KATNAL2: variants seen among roughly 807,000 people sequenced by gnomAD.
The protein encoded by KATNAL2 is katanin p60 ATPase-containing subunit A-like 2.
Under a neutral mutation model 76.3 loss-of-function variants are expected in KATNAL2, and 52 were observed. The ratio of observed to expected loss-of-function variants is 0.68; its 90% CI spans 0.55 to 0.86. The LOEUF is 0.86. KATNAL2 is among the 40% of genes least tolerant of loss of function. KATNAL2 has a pLI of 0.00. For missense variants in KATNAL2, 660 were observed against 668.9 expected (o/e 0.99, Z 0.15); for synonymous variants, 243 against 244.2 (o/e 1.00, Z 0.05).
rs114463280 is a variant in KATNAL2, at chr18:46,951,374, A to G, written c.51+4451A>G. Among the ~76,000 whole-genome samples, 908 of 150,574 alleles carry G rather than the reference A, an allele frequency of 6.0e-3. 6 individuals carry two copies. The highest frequency in any genetic ancestry group is 0.02 in the African/African-American group (839 of 41,056). On this transcript the variant is annotated intron_variant, in intron 3 of 17. Coordinates refer to ENST00000683218, the MANE Select transcript of KATNAL2 (RefSeq NM_001387690.1). Reference sequence around the variant, plus strand: ...TTCCAACAGAACTGTAAAATTCTCAATGTGGGGAAGCTAATCAGGTAATTT... The same window carrying G: ...TTCCAACAGAACTGTAAAATTCTCAGTGTGGGGAAGCTAATCAGGTAATTT...
intron 10 of KATNAL2, among the ~76,000 whole-genome samples, chr18:47,065,657 A>G (rs1469769458): frequency 6.6e-6 from 1 of 151,990 alleles, no homozygotes; most frequent in Non-Finnish European, 1.5e-5. Flanking sequence ...CAGAAAAAAC[A>G]AACAAACAAA....
rs1308651995 is a variant in KATNAL2 at position 47,099,423 on chromosome 18, G to C, written c.1374+18G>C. The C allele has an allele frequency of 6.3e-7, 1 of 1,597,438 alleles. No homozygotes were observed. The highest frequency in any genetic ancestry group is 1.1e-5 in the South Asian group (1 of 89,102). The stretch of plus-strand genomic sequence containing the variant: ...TGAGCCAGGTCAGCTGCCCTGGAGA[G>C]GGGCACATGTAGGTCAAGGGCCCAC... On this transcript the variant is annotated intron_variant, in intron 16 of 17. Coordinates refer to ENST00000683218, the MANE Select transcript of KATNAL2 (RefSeq NM_001387690.1).
intron 3 of KATNAL2, among the ~76,000 whole-genome samples, chr18:46,956,150 T>A (rs1271798052): frequency 6.6e-6 from 1 of 152,228 alleles, no homozygotes; most frequent in Non-Finnish European, 1.5e-5. Context: ...TTGGATATTG[T>A]AGGGTCTGGT....
At chr18:46,938,302 A>T (rs1288771059) in intron 1 of KATNAL2, among the ~76,000 whole-genome samples, 1 of 152,138 alleles carries the variant, frequency 6.6e-6, no homozygotes, top group Non-Finnish European at 1.5e-5. Context: ...AAAACCTTAC[A>T]TGTGAATGGT....
chr18:47,053,971 G>GAC (rs2061404782), intron 5 of KATNAL2, among the ~76,000 whole-genome samples: 2 of 152,138 alleles, frequency 1.3e-5, no homozygotes, highest in African/African-American at 4.8e-5. Context: ...TATGATATTG[G>GAC]ACACGTTATT....
intron 3 of KATNAL2, among the ~76,000 whole-genome samples, chr18:47,031,854 T>C (rs1011355764): frequency 6.6e-6 from 1 of 152,186 alleles, no homozygotes; most frequent in African/African-American, 2.4e-5. Context: ...CTTCCTGAAA[T>C]GCAGTATCCC....
intron 3 of KATNAL2, chr18:47,034,234 C>G: frequency 2.5e-6 from 4 of 1,613,922 alleles, no homozygotes; most frequent in East Asian, 4.5e-5. Context: ...TTGAGTCTCT[C>G]GGTCGTTGGA....
At chr18:46,946,653 T>C in intron 2 of KATNAL2, 107 bp downstream of exon 2, 2 of 1,150,954 alleles carry the variant, frequency 1.7e-6, no homozygotes, top group South Asian at 1.9e-5. Flanking sequence ...GATCTCTTCA[T>C]TGGCCAGTGT....
chr18:46,922,181 A>G (rs2058587597), intron 1 of KATNAL2, among the ~76,000 whole-genome samples: 1 of 151,282 alleles, frequency 6.6e-6, no homozygotes, highest in African/African-American at 2.4e-5. Context: ...GCTCACTGCA[A>G]CCTTCACCTC....
intron 1 of KATNAL2, among the ~76,000 whole-genome samples, chr18:46,932,536 T>C (rs1031146286): frequency 1.3e-5 from 2 of 151,286 alleles, no homozygotes; most frequent in African/African-American, 4.9e-5. Flanking sequence ...CTAGTTGGCA[T>C]GGTGCTGTGC....
At chr18:46,945,354 G>A (rs952193000) in intron 1 of KATNAL2, among the ~76,000 whole-genome samples, 4 of 152,216 alleles carry the variant, frequency 2.6e-5, no homozygotes, top group African/African-American at 7.2e-5. Flanking sequence ...AGAAGAAAAC[G>A]CCATTGAGTT....
intron 1 of KATNAL2, among the ~76,000 whole-genome samples, chr18:46,918,272 G>T (rs1434709035): frequency 3.3e-5 from 5 of 152,124 alleles, no homozygotes; most frequent in African/African-American, 1.2e-4. Context: ...ATCGCTGGAC[G>T]GTGTCCAGGG....
At chr18:47,039,584 A>G (rs2060893529) in intron 3 of KATNAL2, among the ~76,000 whole-genome samples, 2 of 152,136 alleles carry the variant, frequency 1.3e-5, no homozygotes, top group South Asian at 4.1e-4. Flanking sequence ...TTTCTATAAT[A>G]TAGTGTAATT....
chr18:46,945,524 G>C (rs2059362355), intron 1 of KATNAL2, among the ~76,000 whole-genome samples: 1 of 152,172 alleles, frequency 6.6e-6, no homozygotes. Context: ...CCTGTATCCA[G>C]GTGGGAATTA....
At chr18:47,033,002 T>C in intron 3 of KATNAL2, 1 of 1,614,026 alleles carries the variant, frequency 6.2e-7, no homozygotes, top group Non-Finnish European at 8.5e-7. Context: ...AAGTCCTGAG[T>C]TTATCGTCGG....
At chr18:46,931,103 A>AAAT (rs36168863) in intron 1 of KATNAL2, among the ~76,000 whole-genome samples, 38,701 of 105,220 alleles carry the variant, frequency 0.37, 6,403 homozygotes, top group Admixed American at 0.49. Flanking sequence ...CCGTCTCAGG[A>AAAT]AATAATAATA....
At chr18:47,080,881 TTTA>T (rs1301619764) in intron 15 of KATNAL2, among the ~76,000 whole-genome samples, 1 of 152,230 alleles carries the variant, frequency 6.6e-6, no homozygotes, top group Non-Finnish European at 1.5e-5. Context: ...AATTTTTCTT[TTTA>T]TTATTGAGTT....
chr18:46,965,987 T>A (rs1219602105), intron 3 of KATNAL2, among the ~76,000 whole-genome samples: 42 of 94,596 alleles, frequency 4.4e-4, no homozygotes, highest in African/African-American at 1.3e-3. Flanking sequence ...TCTCTCTCAG[T>A]GTGTGTGTGT....
intron 15 of KATNAL2, among the ~76,000 whole-genome samples, chr18:47,097,643 G>A (rs1329653795): frequency 6.6e-6 from 1 of 152,208 alleles, no homozygotes; most frequent in Non-Finnish European, 1.5e-5. Flanking sequence ...AGAGGTTTAA[G>A]AGACAGAACC....
Sources: gnomAD v4.1 joint callset for allele counts (sites outside exome capture counted in the v4.1 genomes callset) on GRCh38, gnomAD v4.1.1 for gene constraint, MANE v1.5 for transcripts, NCBI Gene and HGNC (gene_info 2026-07-23, HGNC 2026-07-21) for gene names.